The following MTHFD2L variants were observed in gnomAD, a reference collection of about 807,000 sequenced individuals.
MTHFD2L encodes the protein methylenetetrahydrofolate dehydrogenase (NADP+ dependent) 2 like.
A neutral mutation model predicts 34.9 loss-of-function variants in MTHFD2L; 29 were observed. The ratio of observed to expected loss-of-function variants is 0.83; its 90% CI spans 0.62 to 1.13. The LOEUF (loss-of-function observed/expected upper bound fraction) is 1.13. Ranked by LOEUF, MTHFD2L falls within the 50% of genes most tolerant of loss-of-function variation. The pLI is 0.00. For missense variants in MTHFD2L, 481 were observed against 446.5 expected, an observed-to-expected ratio of 1.08 and a Z score of -0.70; for synonymous variants, 167 against 155.7, an observed-to-expected ratio of 1.07 and a Z score of -0.54.
chr4:74,296,474 G>A (rs768194655), intron 7 of MTHFD2L, among the ~76,000 whole-genome samples: 2 of 152,032 alleles, frequency 1.3e-5, no homozygotes, highest in South Asian at 2.1e-4. Flanking sequence ...CAACTTGATC[G>A]TGTGCCTTCC....
intron 3 of MTHFD2L, among the ~76,000 whole-genome samples, chr4:74,179,502 T>A (rs1016053064): frequency 2.0e-5 from 3 of 152,066 alleles, no homozygotes; most frequent in Non-Finnish European, 4.4e-5. Flanking sequence ...TAATTGCACT[T>A]TGGTACATTT....
chr4:74,169,985 G>A (rs1261927518), intron 1 of MTHFD2L, among the ~76,000 whole-genome samples: 1 of 152,106 alleles, frequency 6.6e-6, no homozygotes, highest in African/African-American at 2.4e-5. Context: ...AAGTTTGTAG[G>A]TTTAAACCTT....
chr4:74,137,199 A>T (rs1441483038), intron 1 of MTHFD2L, among the ~76,000 whole-genome samples: 1 of 152,232 alleles, frequency 6.6e-6, no homozygotes, highest in Non-Finnish European at 1.5e-5. Flanking sequence ...GGGAAAAAAC[A>T]ATTGCAAGCT....
At chr4:74,182,051 C>T (rs562407239) in intron 3 of MTHFD2L, among the ~76,000 whole-genome samples, 164 of 152,184 alleles carry the variant, frequency 1.1e-3, no homozygotes, top group Non-Finnish European at 1.9e-3. Flanking sequence ...TCATTCTGAA[C>T]TCTTTCCTAT....
intron 6 of MTHFD2L, among the ~76,000 whole-genome samples, chr4:74,273,373 G>A (rs931313283): frequency 1.3e-5 from 2 of 152,142 alleles, no homozygotes; most frequent in African/African-American, 4.8e-5. Flanking sequence ...AGGCCATTAA[G>A]TTTGTGTTGA....
At chr4:74,193,174 T>C (rs1481696799) in intron 3 of MTHFD2L, among the ~76,000 whole-genome samples, 1 of 152,154 alleles carries the variant, frequency 6.6e-6, no homozygotes, top group African/African-American at 2.4e-5. Context: ...CCCCCTACAA[T>C]ATAGCTGCCT....
intron 1 of MTHFD2L, among the ~76,000 whole-genome samples, chr4:74,133,532 C>G (rs1406633991): frequency 6.6e-6 from 1 of 151,818 alleles, no homozygotes; most frequent in African/African-American, 2.4e-5. Flanking sequence ...TTTCTTTGGA[C>G]TGTATTTTCT....
intron 3 of MTHFD2L, among the ~76,000 whole-genome samples, chr4:74,193,058 C>T (rs1732840245): frequency 6.6e-6 from 1 of 151,996 alleles, no homozygotes; most frequent in Non-Finnish European, 1.5e-5. Flanking sequence ...AAATTTTCAC[C>T]TAGAAACTAT....
At chr4:74,133,440 T>C (rs929387954) in intron 1 of MTHFD2L, among the ~76,000 whole-genome samples, 9 of 152,184 alleles carry the variant, frequency 5.9e-5, no homozygotes, top group African/African-American at 1.7e-4. Context: ...TAAACACCAA[T>C]AATTTTTAGA....
chr4:74,284,341 C>T (rs1747873334), intron 7 of MTHFD2L, among the ~76,000 whole-genome samples: 1 of 152,134 alleles, frequency 6.6e-6, no homozygotes, highest in African/African-American at 2.4e-5. Context: ...TCTGCCAGTT[C>T]ACCAAGGCAT....
intron 5 of MTHFD2L, among the ~76,000 whole-genome samples, chr4:74,202,706 C>G (rs1035854245): frequency 2.6e-5 from 4 of 152,090 alleles, no homozygotes; most frequent in Non-Finnish European, 5.9e-5. Context: ...ACGTGTTGTA[C>G]TTTGTTTACC....
chr4:74,199,437 A>G (rs1734031868), intron 3 of MTHFD2L, among the ~76,000 whole-genome samples: 1 of 152,212 alleles, frequency 6.6e-6, no homozygotes, highest in Non-Finnish European at 1.5e-5. Flanking sequence ...CTTGTGTCAT[A>G]GAAATGTGGA....
chr4:74,166,977 C>T (rs1367545324), intron 1 of MTHFD2L, among the ~76,000 whole-genome samples: 2 of 152,030 alleles, frequency 1.3e-5, no homozygotes, highest in Non-Finnish European at 2.9e-5. Context: ...TGGGACCAGA[C>T]CCATTCCAAT....
intron 7 of MTHFD2L, among the ~76,000 whole-genome samples, chr4:74,290,618 A>C (rs981114014): frequency 6.6e-6 from 1 of 152,076 alleles, no homozygotes; most frequent in Non-Finnish European, 1.5e-5. Context: ...GTGAATTGCC[A>C]AGCATAATGC....
chr4:74,289,830 A>G (rs1748654113), intron 7 of MTHFD2L, among the ~76,000 whole-genome samples: 1 of 152,166 alleles, frequency 6.6e-6, no homozygotes, highest in Non-Finnish European at 1.5e-5. Flanking sequence ...GGAATAAGCA[A>G]GAGTGGAGGT....
chr4:74,279,142 C>G (rs1747091292), intron 6 of MTHFD2L, among the ~76,000 whole-genome samples: 1 of 151,938 alleles, frequency 6.6e-6, no homozygotes, highest in African/African-American at 2.4e-5. Flanking sequence ...AGAAACACTG[C>G]AGGAATGAAT....
rs754387999 is a variant in MTHFD2L at position 74,205,354 on chromosome 4, A to G, written c.712+3984A>G. 2.7e-4 allele frequency among the ~76,000 whole-genome samples: 41 copies of G among 151,944 alleles called. 1 individual carries two copies. Among genetic ancestry groups the G allele is most frequent in the Non-Finnish European group, 3.7e-4 (25 of 68,036 alleles). ...GGACTAACTCGGCAAATGCATATCT[A>G]TAGAACTTGTTCTAATGACACTCAA... On this transcript the variant is annotated intron_variant, in intron 5 of 7. Coordinates refer to ENST00000325278, the MANE Select transcript of MTHFD2L (RefSeq NM_001144978.3).
upstream of MTHFD2L, chr4:74,156,691 G>A (rs1724289383): frequency 6.6e-6 from 1 of 152,186 alleles, no homozygotes; most frequent in African/African-American, 2.4e-5. Context: ...GAGAGTTCCT[G>A]TTGCCACACA....
chr4:74,180,933 T>C (rs1730042537), intron 3 of MTHFD2L: 1 of 179,782 alleles, frequency 5.6e-6, no homozygotes, highest in African/African-American at 2.4e-5. Context: ...TTATTTTATT[T>C]TTTTTTAGCT....
Sources: allele counts gnomAD v4.1 joint callset (sites outside exome capture counted in the v4.1 genomes callset), GRCh38; gene constraint gnomAD v4.1.1; transcripts MANE v1.5; gene names NCBI Gene and HGNC (gene_info 2026-07-23, HGNC 2026-07-21).